NEXMIF: variants seen among roughly 807,000 people sequenced by gnomAD.
The protein encoded by NEXMIF is neurite extension and migration factor, also known as XLMR protein related to neurite extension.
A neutral mutation model predicts 62.1 loss-of-function variants in NEXMIF; 8 were observed. That is an observed-to-expected ratio of 0.13 (90% confidence interval 0.08 to 0.23). The LOEUF (loss-of-function observed/expected upper bound fraction) is 0.23. Among genes scored for constraint, NEXMIF ranks in the 10% least tolerant of loss-of-function variants. The pLI is 1.00. For synonymous variants in NEXMIF, 404 were observed against 416.6 expected (o/e 0.97, Z 0.37); for missense variants, 976 against 1,113.3 (o/e 0.88, Z 1.75).
intron 1 of NEXMIF, among the ~76,000 whole-genome samples, chrX:74,837,666 G>C (rs945794342): frequency 8.9e-6 from 1 of 111,774 alleles, no homozygotes; most frequent in Admixed American, 9.5e-5. Flanking sequence ...CATCTACAAA[G>C]GCAGAACTGC....
chrX:74,816,541 T>G (rs1396635064), intron 1 of NEXMIF, among the ~76,000 whole-genome samples: 2 of 112,113 alleles, frequency 1.8e-5, no homozygotes. Flanking sequence ...TTTATTCTAT[T>G]TAGAATGAAA....
chrX:74,798,327 C>A (rs2080318759), intron 1 of NEXMIF, among the ~76,000 whole-genome samples: 1 of 112,291 alleles, frequency 8.9e-6, no homozygotes, highest in South Asian at 3.7e-4. Flanking sequence ...ACTGCAACCA[C>A]CACACTTAGC....
chrX:74,787,487 A>G (rs758845345), intron 1 of NEXMIF, among the ~76,000 whole-genome samples: 2 of 110,556 alleles, frequency 1.8e-5, no homozygotes, highest in African/African-American at 3.3e-5. Flanking sequence ...TAGAAACTGG[A>G]CCTCCCACCT....
chrX:74,881,968 G>C (rs757160164), intron 1 of NEXMIF, among the ~76,000 whole-genome samples: 1 of 111,407 alleles, frequency 9.0e-6, no homozygotes, highest in African/African-American at 3.3e-5. Context: ...TTTCAACATA[G>C]TCTCCCATGT....
chrX:74,837,758 G>T (rs759053127), intron 1 of NEXMIF, among the ~76,000 whole-genome samples: 3 of 111,889 alleles, frequency 2.7e-5, no homozygotes, highest in Non-Finnish European at 5.6e-5. Flanking sequence ...GAAAATGAAA[G>T]GGTCAGGCTA....
At chrX:74,884,363 G>C (rs2080680919) in intron 1 of NEXMIF, among the ~76,000 whole-genome samples, 1 of 111,604 alleles carries the variant, frequency 9.0e-6, no homozygotes, top group African/African-American at 3.3e-5. Flanking sequence ...ATTGGATAAA[G>C]AGTCAAGACC....
chrX:74,871,346 C>G (rs2080600186), intron 1 of NEXMIF, among the ~76,000 whole-genome samples: 1 of 111,035 alleles, frequency 9.0e-6, no homozygotes, highest in South Asian at 3.9e-4. Flanking sequence ...TCACAGAGAT[C>G]AGATGCTTCA....
chrX:74,916,746 C>G (rs1190983291), intron 1 of NEXMIF, among the ~76,000 whole-genome samples: 1 of 111,779 alleles, frequency 8.9e-6, no homozygotes, highest in Admixed American at 9.5e-5. Context: ...AGGAAACAGA[C>G]TAAGACATTT....
At chrX:74,812,734 T>C (rs1040682998) in intron 1 of NEXMIF, among the ~76,000 whole-genome samples, 1 of 111,671 alleles carries the variant, frequency 9.0e-6, no homozygotes, top group Non-Finnish European at 1.9e-5. Flanking sequence ...TAGAGAAAGA[T>C]ATCTGAAGAG....
intron 1 of NEXMIF, among the ~76,000 whole-genome samples, chrX:74,902,095 A>G (rs1415325296): frequency 2.7e-5 from 3 of 110,487 alleles, no homozygotes; most frequent in Admixed American, 2.0e-4. Flanking sequence ...TTCTGACTCA[A>G]AAATAGGGAA....
In NEXMIF at chrX:74,741,011, G is replaced by C. The variant is rs2080101076; in HGVS notation, c.3546C>G (p.Ser1182Arg). The stretch of plus-strand genomic sequence containing the variant: ...AGCTTTGGTTCATAGCCCCACTCTT[G>C]CTGGGTGAACTTTTCTTTCTTGATT... ...VSKSRKKSSP[S>R]KSGAMNQSSS... Residue 1182 changes from serine to arginine, a missense_variant, in exon 3 of 4, where the codon AGC becomes AGG. Coordinates refer to ENST00000055682, the MANE Select transcript of NEXMIF (RefSeq NM_001008537.3). The C allele has an allele frequency of 8.3e-7, 1 of 1,211,094 alleles. No individual in the cohort carries two copies. Among genetic ancestry groups the C allele is most frequent in the Middle Eastern group, 2.3e-4 (1 of 4,352 alleles).
In NEXMIF at chrX:74,733,930, TACAG is replaced by T. The variant is rs1205784665; in HGVS notation, c.*5471_*5474del. On this transcript the variant is annotated 3_prime_UTR_variant, in exon 4 of 4. Coordinates refer to ENST00000055682, the MANE Select transcript of NEXMIF (RefSeq NM_001008537.3). ...GTGCAGAAAAAGGAAAACTCTCACA[TACAG>T]ACACTTCACAGCACTTTTCTAAGAA... 3 of 112,435 alleles carry T rather than the reference TACAG, an allele frequency of 2.7e-5. No homozygotes were observed. The allele number at this position is 112,435 out of a possible 1,213,427, so 9.3% of individuals were successfully genotyped here. A position where few individuals can be genotyped will look rare whatever the true frequency, so the allele number is the denominator to read the frequency against.
chrX:74,821,939 C>T (rs971076283), intron 1 of NEXMIF, among the ~76,000 whole-genome samples: 3 of 111,127 alleles, frequency 2.7e-5, no homozygotes, highest in African/African-American at 6.5e-5. Context: ...TTTGTAGAGA[C>T]GAGGTTTTGC....
In NEXMIF at chrX:74,742,192, G is replaced by C; in HGVS notation, c.2365C>G (p.Pro789Ala). The change falls in exon 3 of 4, where the codon CCA becomes GCA. Residue 789 changes from proline (P) to alanine (A), a missense_variant. Physicochemically the swap from Pro to Ala is conservative, Grantham distance 27. Around this residue, in one of 5 missense-constraint regions of NEXMIF, gnomAD observed 639 missense variants for 694.5 expected, o/e 0.92. Transcript: ENST00000055682. Reference protein sequence around the residue: ...AKAAKSSTFLPTTCSSEMPLS... With the variant: ...AKAAKSSTFLATTCSSEMPLS... ...GGCATTTCAGAAGAGCATGTCGTTGGTAGAAAAGTGGAACTCTTAGCAGCC... is the reference window on the plus strand; with the variant it reads ...GGCATTTCAGAAGAGCATGTCGTTGCTAGAAAAGTGGAACTCTTAGCAGCC... 1 of 1,211,462 alleles carries C rather than the reference G, an allele frequency of 8.3e-7. No homozygotes were observed.
At chrX:74,758,130 TCATGC>T (rs2080164513) in intron 1 of NEXMIF, among the ~76,000 whole-genome samples, 1 of 111,415 alleles carries the variant, frequency 9.0e-6, no homozygotes, top group Non-Finnish European at 1.9e-5. Flanking sequence ...CCAGATAATG[TCATGC>T]CAAATTAGAA....
At chrX:74,870,657 T>C (rs1248828897) in intron 1 of NEXMIF, among the ~76,000 whole-genome samples, 1 of 111,847 alleles carries the variant, frequency 8.9e-6, no homozygotes, top group Non-Finnish European at 1.9e-5. Flanking sequence ...AAATGGGCCA[T>C]AGATCTGAAC....
At chrX:74,798,061 C>G (rs1428626979) in intron 1 of NEXMIF, among the ~76,000 whole-genome samples, 2 of 112,157 alleles carry the variant, frequency 1.8e-5, no homozygotes, top group African/African-American at 6.5e-5. Context: ...CCCTGGCCAT[C>G]CAGCCACACT....
At chrX:74,819,388 G>A (rs780338291) in intron 1 of NEXMIF, among the ~76,000 whole-genome samples, 21 of 111,858 alleles carry the variant, frequency 1.9e-4, no homozygotes, top group Admixed American at 1.2e-3. Context: ...TATCATCAGA[G>A]TGAATAGGCA....
Position 74,734,381 on chromosome X carries a change from GT to G in NEXMIF, c.*5023del, listed in dbSNP as rs1231023461. 1 of 112,317 alleles carries G rather than the reference GT, an allele frequency of 8.9e-6. No homozygotes were observed. Among genetic ancestry groups the G allele is most frequent in the East Asian group, 2.8e-4 (1 of 3,558 alleles). 9.3% of individuals were successfully genotyped at this position (112,317 alleles called of 1,213,427 possible). On this transcript the variant is annotated 3_prime_UTR_variant, in exon 4 of 4. Transcript: ENST00000055682. ...TCCAGTCAGTGCTACAGGTAGCCCA[GT>G]AGAGCATCTTAAGATTTCTACTCTC...
Sources: allele counts gnomAD v4.1 joint callset (sites outside exome capture counted in the v4.1 genomes callset), GRCh38; gene constraint gnomAD v4.1.1; regional missense constraint gnomAD v4.1.1; transcripts MANE v1.5; gene names NCBI Gene and HGNC (gene_info 2026-07-23, HGNC 2026-07-21).